The following C2CD3 variants were observed in gnomAD, a reference collection of about 807,000 sequenced individuals.
C2CD3 encodes C2 domain containing 3 centriole elongation regulator, also known as C2 domain-containing protein 3.
Under a neutral mutation model 234.0 loss-of-function variants are expected in C2CD3, and 148 were observed. The ratio of observed to expected loss-of-function variants is 0.63; its 90% CI spans 0.55 to 0.72. C2CD3 has a LOEUF of 0.72. C2CD3 is among the 30% of genes least tolerant of loss of function. The pLI, the probability that C2CD3 is intolerant of heterozygous loss-of-function variation, is 0.00. For missense variants in C2CD3, 2,577 were observed against 2,811.5 expected (o/e 0.92, Z 1.89); for synonymous variants, 1,000 against 1,035.4 (o/e 0.97, Z 0.66).
rs1857146113 is a variant in C2CD3 at position 74,170,765 on chromosome 11, C to T, written c.28G>A (p.Gly10Arg). 1 of 1,614,108 alleles carries T rather than the reference C, an allele frequency of 6.2e-7. No individual in the cohort carries two copies. The highest frequency in any genetic ancestry group is 1.3e-5 in the African/African-American group (1 of 74,938). The part of the protein sequence containing the change: MKQRKGQGS[G>R]GSRGRKKRGL... ...CTTTTTTTGCGCCCACGGCTGCCCC[C>T]AGACCCTTGGCCTTTTCGTTGTTTC... Residue 10 changes from glycine (G) to arginine (R), a missense_variant, in exon 1 of 33, where the codon GGG (glycine) becomes AGG (arginine). Transcript: ENST00000334126.
intron 31 of C2CD3, among the ~76,000 whole-genome samples, chr11:74,029,976 G>A (rs529469186): frequency 6.6e-6 from 1 of 152,220 alleles, no homozygotes; most frequent in South Asian, 2.1e-4. Context: ...GGCTGGTCTT[G>A]AACTCCTGAC....
At chr11:74,048,433 A>C in intron 27 of C2CD3, 95 bp from the exon 28 acceptor site, 1 of 1,280,356 alleles carries the variant, frequency 7.8e-7, no homozygotes, top group Admixed American at 2.1e-5. Flanking sequence ...TATTGTGTGC[A>C]TTTAATTTAC....
chr11:74,127,349 C>T (rs1419668550), intron 7 of C2CD3, among the ~76,000 whole-genome samples: 1 of 152,220 alleles, frequency 6.6e-6, no homozygotes, highest in South Asian at 2.1e-4. Flanking sequence ...CATGCTGTAG[C>T]ATGTAGCAGT....
intron 17 of C2CD3, 107 bp from the exon 18 acceptor site, chr11:74,094,106 T>C (rs532672041): frequency 6.8e-6 from 6 of 878,778 alleles, no homozygotes; most frequent in African/African-American, 1.7e-5. Flanking sequence ...CTAGTAGTTA[T>C]GGTTCCCTAA....
In C2CD3 at chr11:74,097,041, C is replaced by T. The variant is rs1325003635; in HGVS notation, c.2979+968G>A. On this transcript the variant is annotated intron_variant, in intron 16 of 32. Transcript: ENST00000334126. ...GTGGGTGCCTGTAATCCCAGCTACCCGGGAGGCCAAGGCAGGAGAATCCCT... is the reference window on the plus strand; with the variant it reads ...GTGGGTGCCTGTAATCCCAGCTACCTGGGAGGCCAAGGCAGGAGAATCCCT... 3.3e-5 allele frequency among the ~76,000 whole-genome samples: 5 copies of T among 151,478 alleles called. No homozygotes were observed. The South Asian group carries it at 8.3e-4, about 25-fold the overall frequency.
intron 22 of C2CD3, among the ~76,000 whole-genome samples, chr11:74,081,578 A>G (rs1019713116): frequency 6.6e-6 from 1 of 151,998 alleles, no homozygotes; most frequent in African/African-American, 2.4e-5. Context: ...AAAGTGCTAC[A>G]TAATGTAATG....
intron 29 of C2CD3, 58 bp downstream of exon 29, chr11:74,041,996 T>C: frequency 1.9e-6 from 3 of 1,556,636 alleles, no homozygotes; most frequent in Non-Finnish European, 1.8e-6. Context: ...CATTGCCATT[T>C]CTCATTCACC....
intron 22 of C2CD3, among the ~76,000 whole-genome samples, chr11:74,079,798 A>C (rs543373273): frequency 3.4e-4 from 52 of 151,948 alleles, no homozygotes; most frequent in Non-Finnish European, 6.6e-4. Flanking sequence ...CTTATCTGAA[A>C]CCTTTAAGGC....
At chr11:74,150,634 A>G (rs188852325) in intron 3 of C2CD3, among the ~76,000 whole-genome samples, 1 of 151,896 alleles carries the variant, frequency 6.6e-6, no homozygotes, top group Admixed American at 6.6e-5. Context: ...CTGGCTAATC[A>G]TGTTTCATTT....
chr11:74,067,776 T>C (rs1954610893), intron 24 of C2CD3, among the ~76,000 whole-genome samples: 1 of 152,194 alleles, frequency 6.6e-6, no homozygotes, highest in Non-Finnish European at 1.5e-5. Context: ...TGTACTCCTT[T>C]ATTGTACAGA....
intron 32 of C2CD3, among the ~76,000 whole-genome samples, chr11:74,025,770 C>T (rs147696335): frequency 0.011 from 1,602 of 152,176 alleles, 33 homozygotes; most frequent in Non-Finnish European, 0.012. Context: ...TAGGGTAATT[C>T]TCACCATCAT....
At position 74,037,752 on chromosome 11, in the gene C2CD3, A is replaced by T. The variant is rs139638297; in HGVS notation, c.5661-54T>A. ...AAGGGGTAATTCATGGAGATTATGAACATCTCTTATGTCCCCTGGACACTA... is the reference window on the plus strand; with the variant it reads ...AAGGGGTAATTCATGGAGATTATGATCATCTCTTATGTCCCCTGGACACTA... On this transcript the variant is annotated intron_variant, in intron 29 of 32. Coordinates refer to ENST00000334126, the MANE Select transcript of C2CD3 (RefSeq NM_001286577.2). 9.4e-4 allele frequency: 1,278 copies of T among 1,364,480 alleles called. 9 individuals carry two copies. The African/African-American group carries it at 0.016, about 18-fold the overall frequency. The allele number at this position is 1,364,480 out of a possible 1,614,324, so 84.5% of individuals were successfully genotyped here. A position where few individuals can be genotyped will look rare whatever the true frequency, so the allele number is the denominator to read the frequency against.
intron 3 of C2CD3, among the ~76,000 whole-genome samples, chr11:74,157,592 T>G (rs781308075): frequency 2.0e-5 from 3 of 152,210 alleles, no homozygotes; most frequent in Non-Finnish European, 4.4e-5. Context: ...CTTATGATTT[T>G]ATAATATTAA....
chr11:74,082,578 G>A (rs1955434626), intron 22 of C2CD3, among the ~76,000 whole-genome samples: 1 of 152,148 alleles, frequency 6.6e-6, no homozygotes, highest in Non-Finnish European at 1.5e-5. Flanking sequence ...TTTCTGTGAT[G>A]GATTATGTTT....
rs1288802124 is a variant in C2CD3, at chr11:74,116,666, AC to A, written c.1520+1561del. 2.6e-5 allele frequency among the ~76,000 whole-genome samples: 4 copies of A among 151,928 alleles called. No individual in the cohort carries two copies. The East Asian group carries it at 7.8e-4, about 30-fold the overall frequency. On this transcript the variant is annotated intron_variant, in intron 9 of 32. Transcript: ENST00000334126. ...AAAGAAGTCACTATATGAAAAAGATACTTGTACTTGCATGCTTATAGCAGCA... is the reference window on the plus strand; with the variant it reads ...AAAGAAGTCACTATATGAAAAAGATATTGTACTTGCATGCTTATAGCAGCA...
In C2CD3 at chr11:74,042,207, G is replaced by C. The variant is rs2135422143; in HGVS notation, c.5507C>G (p.Thr1836Arg). 6.4e-7 allele frequency: 1 copy of C among 1,573,798 alleles called. No homozygotes were observed. Among genetic ancestry groups the C allele is most frequent in the African/African-American group, 1.4e-5 (1 of 70,916 alleles). ...DFSSPGRSDTTRSQASRHEEH... is the reference protein window; with the variant it reads ...DFSSPGRSDTRRSQASRHEEH... ...TTCATGGCGTGATGCTTGGCTTCTT[G>C]TGGTATCACTTCTGTCAAAAAAAAA... is the stretch of plus-strand genomic sequence containing the variant. Residue 1836 changes from threonine to arginine, a missense_variant, in exon 29 of 33, where the codon ACA becomes AGA. By Grantham distance (71) the Thr-to-Arg change is moderately conservative. Coordinates refer to ENST00000334126, the MANE Select transcript of C2CD3 (RefSeq NM_001286577.2).
intron 3 of C2CD3, among the ~76,000 whole-genome samples, chr11:74,156,733 G>A (rs547158323): frequency 3.1e-4 from 47 of 152,328 alleles, no homozygotes; most frequent in African/African-American, 1.1e-3. Context: ...ATTTTGGAAG[G>A]CCAAGGCAGG....
rs1857147877 is a variant in C2CD3, at chr11:74,170,773, T to G, written c.20A>C (p.Gln7Pro). 1.2e-6 allele frequency: 2 copies of G among 1,614,182 alleles called. No homozygotes were observed. The highest frequency in any genetic ancestry group is 2.2e-5 in the South Asian group (2 of 91,076). MKQRKGQGSGGSRGRKK... is the reference protein window; with the variant it reads MKQRKGPGSGGSRGRKK... ...GCGCCCACGGCTGCCCCCAGACCCT[T>G]GGCCTTTTCGTTGTTTCATGATGAG... is the stretch of plus-strand genomic sequence containing the variant. The change falls in exon 1 of 33, where the codon CAA becomes CCA. Residue 7 changes from glutamine (Q) to proline (P), a missense_variant. Coordinates refer to ENST00000334126, the MANE Select transcript of C2CD3 (RefSeq NM_001286577.2).
Position 74,048,171 on chromosome 11 carries a change from C to T in C2CD3, c.5495+34G>A, listed in dbSNP as rs1171469731. The T allele has an allele frequency of 3.1e-6, 5 of 1,604,092 alleles. No individual in the cohort carries two copies. The South Asian group carries it at 3.4e-5, about 11-fold the overall frequency. On this transcript the variant is annotated intron_variant, in intron 28 of 32. Transcript: ENST00000334126. ...CAGTTCACACACTTCCATTTTTTAACCCCATTTCTTCTCATCATCAAGAAT... is the reference window on the plus strand; with the variant it reads ...CAGTTCACACACTTCCATTTTTTAATCCCATTTCTTCTCATCATCAAGAAT...
Sources: allele counts gnomAD v4.1 joint callset (sites outside exome capture counted in the v4.1 genomes callset), GRCh38; gene constraint gnomAD v4.1.1; transcripts MANE v1.5; gene names NCBI Gene and HGNC (gene_info 2026-07-23, HGNC 2026-07-21).